Variants in AFF2 observed in about 807,000 individuals in gnomAD.
AFF2 encodes the protein AF4/FMR2 family member 2.
In AFF2, 14 loss-of-function variants were observed where a neutral mutation model predicts 76.9. The observed-to-expected ratio is 0.18, with a 90% CI of 0.12 to 0.28. The LOEUF (loss-of-function observed/expected upper bound fraction) is 0.28. AFF2 is among the 10% of genes least tolerant of loss of function. The pLI, the probability that AFF2 is intolerant of heterozygous loss-of-function variation, is 1.00. For synonymous variants in AFF2, 398 were observed against 366.7 expected (o/e 1.09, Z -0.98); for missense variants, 868 against 1,001.1 (o/e 0.87, Z 1.79).
intron 1 of AFF2, among the ~76,000 whole-genome samples, chrX:148,647,368 G>A (rs1453768906): frequency 3.6e-5 from 4 of 111,506 alleles, no homozygotes; most frequent in Non-Finnish European, 7.5e-5. Flanking sequence ...TCCCCAAGTG[G>A]CTTTGTAAAA....
intron 3 of AFF2, among the ~76,000 whole-genome samples, chrX:148,740,177 G>T (rs2055334663): frequency 9.0e-6 from 1 of 111,398 alleles, no homozygotes; most frequent in African/African-American, 3.3e-5. Context: ...TGTGCTTCTT[G>T]TATATGCATG....
intron 3 of AFF2, among the ~76,000 whole-genome samples, chrX:148,767,316 T>G (rs1305226155): frequency 5.4e-5 from 6 of 111,638 alleles, no homozygotes; most frequent in Non-Finnish European, 7.5e-5. Flanking sequence ...ATTAATAACT[T>G]AAATAACAGG....
At chrX:148,725,715 T>G (rs1188286033) in intron 3 of AFF2, among the ~76,000 whole-genome samples, 6 of 112,148 alleles carry the variant, frequency 5.4e-5, no homozygotes, top group African/African-American at 1.6e-4. Context: ...ATCTGTGATC[T>G]CTAATTGATT....
At chrX:148,859,652 CAG>C (rs1321755493) in intron 7 of AFF2, among the ~76,000 whole-genome samples, 2 of 109,810 alleles carry the variant, frequency 1.8e-5, no homozygotes, top group Admixed American at 1.9e-4. Flanking sequence ...AAAATAAAAA[CAG>C]AAAAACAAAT....
chrX:148,913,969 G>A (rs1216746254), intron 9 of AFF2, among the ~76,000 whole-genome samples: 2 of 112,441 alleles, frequency 1.8e-5, no homozygotes, highest in African/African-American at 6.5e-5. Flanking sequence ...TCCCTACTAT[G>A]TGCCAGACAC....
At chrX:148,616,467 G>A (rs977620869) in intron 1 of AFF2, among the ~76,000 whole-genome samples, 3 of 111,530 alleles carry the variant, frequency 2.7e-5, no homozygotes, top group Admixed American at 9.5e-5. Context: ...TTATAATTTA[G>A]CGTACTTTGA....
chrX:148,856,175 G>A (rs1398985517), intron 7 of AFF2, among the ~76,000 whole-genome samples: 1 of 111,725 alleles, frequency 9.0e-6, no homozygotes, highest in African/African-American at 3.3e-5. Flanking sequence ...TAGATATTTG[G>A]TACTAGGCAC....
chrX:148,560,632 C>A (rs1437990357), intron 1 of AFF2, among the ~76,000 whole-genome samples: 2 of 111,752 alleles, frequency 1.8e-5, no homozygotes, highest in Non-Finnish European at 3.8e-5. Context: ...GCAATCTATT[C>A]ATCTAACAAA....
chrX:148,719,395 G>A (rs2055065947), intron 3 of AFF2, among the ~76,000 whole-genome samples: 1 of 111,515 alleles, frequency 9.0e-6, no homozygotes, highest in Non-Finnish European at 1.9e-5. Flanking sequence ...AGGTAAAATT[G>A]TATGGATTTC....
chrX:148,993,003 T>C lies in AFF2; in HGVS notation c.*1671T>C, dbSNP rs2072550997. The stretch of plus-strand genomic sequence containing the variant: ...TATTAAAGCCAGCCATGCAGGTCCA[T>C]GATAGAAACAGCAGGTGATGACTCT... On this transcript the variant is annotated 3_prime_UTR_variant, in exon 21 of 21. Transcript: ENST00000370460. The C allele has an allele frequency of 8.9e-6, 1 of 112,896 alleles. No homozygotes were observed. The highest frequency in any genetic ancestry group is 9.4e-5 in the Admixed American group (1 of 10,659). 9.3% of individuals were successfully genotyped at this position (112,896 alleles called of 1,213,427 possible).
chrX:148,777,644 T>C (rs1439903463), intron 3 of AFF2, among the ~76,000 whole-genome samples: 1 of 112,128 alleles, frequency 8.9e-6, no homozygotes, highest in Non-Finnish European at 1.9e-5. Context: ...ATGATTTGGC[T>C]CTCTGTTTGT....
At chrX:148,727,390 T>C (rs1557264334) in intron 3 of AFF2, among the ~76,000 whole-genome samples, 1 of 111,998 alleles carries the variant, frequency 8.9e-6, no homozygotes, top group Non-Finnish European at 1.9e-5. Flanking sequence ...ACCATATCAC[T>C]TTGCAGAATT....
At chrX:148,529,511 T>G (rs1413472032) in intron 1 of AFF2, among the ~76,000 whole-genome samples, 2 of 112,659 alleles carry the variant, frequency 1.8e-5, no homozygotes, top group Non-Finnish European at 3.7e-5. Context: ...TAGTCATTTG[T>G]TTGTTTAAAT....
At chrX:148,898,486 G>A (rs193034701) in intron 8 of AFF2, among the ~76,000 whole-genome samples, 4 of 112,268 alleles carry the variant, frequency 3.6e-5, no homozygotes, top group African/African-American at 6.5e-5. Flanking sequence ...AATCAAGTTA[G>A]CAGTAGTTGC....
At position 148,906,518 on chromosome X, in the gene AFF2, TAAAG is replaced by T. The variant is rs2071408971; in HGVS notation, c.1397+2262_1397+2265del. Reference sequence around the variant, plus strand: ...AGCTCACACCCGACCAATCAGGTAGTAAAGAGAGCTCACTAAAATACCAATTAGG... The same window carrying T: ...AGCTCACACCCGACCAATCAGGTAGTAGAGCTCACTAAAATACCAATTAGG... On this transcript the variant is annotated intron_variant, in intron 9 of 20. Coordinates refer to ENST00000370460, the MANE Select transcript of AFF2 (RefSeq NM_002025.4). 2.7e-5 allele frequency among the ~76,000 whole-genome samples: 3 copies of T among 111,784 alleles called. No individual in the cohort carries two copies. In the Admixed American group the frequency reaches 2.8e-4, roughly 11 times the overall value.
intron 3 of AFF2, among the ~76,000 whole-genome samples, chrX:148,806,690 G>T (rs1464282110): frequency 8.9e-6 from 1 of 111,748 alleles, no homozygotes; most frequent in East Asian, 2.8e-4. Context: ...GCGGACAGGC[G>T]AATGAATGCG....
chrX:148,504,962 A>G (rs931023937), intron 1 of AFF2, among the ~76,000 whole-genome samples: 9 of 66,201 alleles, frequency 1.4e-4, no homozygotes, highest in Non-Finnish European at 2.1e-4. Flanking sequence ...CAACTTGGAG[A>G]TACTAGGGCT....
At chrX:148,765,801 T>C (rs1557267660) in intron 3 of AFF2, among the ~76,000 whole-genome samples, 1 of 107,759 alleles carries the variant, frequency 9.3e-6, no homozygotes, top group East Asian at 3.0e-4. Context: ...TGTGCTGCAC[T>C]CACTAACTCG....
chrX:148,577,341 G>T (rs373081312), intron 1 of AFF2, among the ~76,000 whole-genome samples: 4 of 112,304 alleles, frequency 3.6e-5, no homozygotes, highest in East Asian at 5.6e-4. Flanking sequence ...ATAGCAAAAA[G>T]CTATCATCCA....
Sources: allele counts gnomAD v4.1 joint callset (sites outside exome capture counted in the v4.1 genomes callset), GRCh38; gene constraint gnomAD v4.1.1; transcripts MANE v1.5; gene names NCBI Gene and HGNC (gene_info 2026-07-23, HGNC 2026-07-21).